Variants in AP1G1 observed in about 807,000 individuals in gnomAD.
AP1G1 encodes the protein adaptor related protein complex 1 subunit gamma 1.
In AP1G1, 7 loss-of-function variants were observed where a neutral mutation model predicts 108.3. That is an observed-to-expected ratio of 0.06 (90% CI 0.04 to 0.12). The LOEUF (loss-of-function observed/expected upper bound fraction) is 0.12. AP1G1 is among the 10% of genes least tolerant of loss of function. The probability of loss-of-function intolerance (pLI) is 1.00; values close to 1 mark genes in which losing one functional copy is unlikely to be tolerated. For synonymous variants in AP1G1, 379 were observed against 353.5 expected, an observed-to-expected ratio of 1.07 and a Z score of -0.81; for missense variants, 756 against 1,010.7, an observed-to-expected ratio of 0.75 and a Z score of 3.42.
intron 12 of AP1G1, among the ~76,000 whole-genome samples, chr16:71,755,640 T>C (rs1363630268): frequency 6.8e-6 from 1 of 148,110 alleles, no homozygotes; most frequent in African/African-American, 2.5e-5. Context: ...AGTTTCCCCA[T>C]TTTTTTTTTT....
chr16:71,775,279 G>A (rs576947716), intron 2 of AP1G1, among the ~76,000 whole-genome samples: 1 of 151,294 alleles, frequency 6.6e-6, no homozygotes, highest in African/African-American at 2.4e-5. Context: ...TGATTCGCCC[G>A]CCTCAGCCTC....
intron 21 of AP1G1, among the ~76,000 whole-genome samples, chr16:71,736,117 A>T (rs866043153): frequency 0.015 from 1,092 of 71,408 alleles, 20 homozygotes; most frequent in African/African-American, 0.03. Flanking sequence ...AAAAAAAAAA[A>T]ATATATATAT....
intron 15 of AP1G1, among the ~76,000 whole-genome samples, chr16:71,749,005 C>G (rs1436956612): frequency 6.6e-6 from 1 of 152,030 alleles, no homozygotes; most frequent in Non-Finnish European, 1.5e-5. Context: ...CTCCCGGGTT[C>G]ACGCCATTCT....
intron 10 of AP1G1, among the ~76,000 whole-genome samples, chr16:71,759,759 CAAAA>C (rs920720482): frequency 1.5e-5 from 2 of 135,610 alleles, no homozygotes; most frequent in Admixed American, 7.3e-5. Flanking sequence ...GACTCTGTCT[CAAAA>C]AAAAAAAAAA....
At chr16:71,793,568 G>A (rs2032478680) in intron 1 of AP1G1, among the ~76,000 whole-genome samples, 1 of 152,182 alleles carries the variant, frequency 6.6e-6, no homozygotes, top group Non-Finnish European at 1.5e-5. Context: ...GCAGAAACAA[G>A]CATTTTTAAA....
chr16:71,775,380 T>A (rs1424290553), intron 2 of AP1G1, among the ~76,000 whole-genome samples: 1 of 152,118 alleles, frequency 6.6e-6, no homozygotes. Flanking sequence ...CCTTTGGATA[T>A]CTTAATAGAA....
chr16:71,801,253 C>T (rs576651196), intron 1 of AP1G1, among the ~76,000 whole-genome samples: 18 of 151,526 alleles, frequency 1.2e-4, no homozygotes, highest in African/African-American at 3.6e-4. Flanking sequence ...TTCCCACCAC[C>T]TGGGTGACAG....
chr16:71,736,205 C>T (rs2045538274), intron 21 of AP1G1, among the ~76,000 whole-genome samples: 1 of 140,518 alleles, frequency 7.1e-6, no homozygotes, highest in East Asian at 2.2e-4. Context: ...TTATTCATTA[C>T]TACCATATTT....
chr16:71,748,295 G>A lies in AP1G1; in HGVS notation c.1581C>T (p.Leu527=), dbSNP rs536680643. 6.8e-6 allele frequency: 11 copies of A among 1,614,028 alleles called. No homozygotes were observed. The East Asian group carries it at 2.5e-4, about 36-fold the overall frequency. The change falls in exon 16 of 23, where the codon CTC becomes CTT. Residue 527 remains leucine, a synonymous_variant. Coordinates refer to ENST00000299980, the MANE Select transcript of AP1G1 (RefSeq NM_001128.6). ...GAGTGGAAAGCTTCATAATGGCAGTGAGGGCATAACCTCGTGTCACAGAGG... is the reference window on the plus strand; with the variant it reads ...GAGTGGAAAGCTTCATAATGGCAGTAAGGGCATAACCTCGTGTCACAGAGG... ...MSTSVTRGYA[L]TAIMKLSTRF...
chr16:71,799,629 G>A (rs770726031), intron 1 of AP1G1, among the ~76,000 whole-genome samples: 25 of 151,812 alleles, frequency 1.6e-4, no homozygotes, highest in East Asian at 5.8e-4. Flanking sequence ...GGCTGGGAGC[G>A]GTGGCTCACA....
chr16:71,790,897 T>G (rs2032374118), intron 1 of AP1G1, among the ~76,000 whole-genome samples: 1 of 152,064 alleles, frequency 6.6e-6, no homozygotes, highest in Non-Finnish European at 1.5e-5. Context: ...AGTTTAAAAT[T>G]TTTGCTCTCC....
chr16:71,743,969 G>A (rs2030012767), intron 19 of AP1G1, among the ~76,000 whole-genome samples: 1 of 150,072 alleles, frequency 6.7e-6, no homozygotes, highest in South Asian at 2.1e-4. Context: ...AAAAGGCCAG[G>A]CGAAGTGGCT....
chr16:71,733,856 T>A, intron 22 of AP1G1, among the ~76,000 whole-genome samples: 1 of 152,330 alleles, frequency 6.6e-6, no homozygotes, highest in African/African-American at 2.4e-5. Context: ...AAAAAATGAC[T>A]TAACTCACAG....
At chr16:71,768,201 A>G (rs1315906363) in intron 6 of AP1G1, among the ~76,000 whole-genome samples, 5 of 150,378 alleles carry the variant, frequency 3.3e-5, no homozygotes, top group African/African-American at 1.2e-4. Context: ...TTAAAAAAAA[A>G]AAAAAAAAAA....
intron 21 of AP1G1, among the ~76,000 whole-genome samples, chr16:71,737,606 A>G (rs1186941447): frequency 1.3e-5 from 2 of 152,208 alleles, no homozygotes; most frequent in African/African-American, 4.8e-5. Context: ...AAACATCTAA[A>G]TTATTCTGGC....
chr16:71,739,357 T>G lies in AP1G1; in HGVS notation c.2000-16A>C. On this transcript the variant is annotated splice_polypyrimidine_tract_variant and intron_variant, in intron 19 of 22. Coordinates refer to ENST00000299980, the MANE Select transcript of AP1G1 (RefSeq NM_001128.6). ...GCTGGAGCACCTAAAGGAAATATTT[T>G]AATGGAAAGTTAACCTTAGGCAGCA... The G allele has an allele frequency of 6.4e-7, 1 of 1,561,230 alleles. No individual in the cohort carries two copies. Among genetic ancestry groups the G allele is most frequent in the Non-Finnish European group, 8.6e-7 (1 of 1,158,408 alleles).
intron 6 of AP1G1, among the ~76,000 whole-genome samples, chr16:71,765,847 A>G (rs1310074782): frequency 1.3e-5 from 2 of 152,214 alleles, no homozygotes; most frequent in African/African-American, 2.4e-5. Context: ...TACAAATAAT[A>G]TTGGGTCAGA....
intron 10 of AP1G1, among the ~76,000 whole-genome samples, chr16:71,760,737 T>C (rs935362224): frequency 6.6e-6 from 1 of 151,494 alleles, no homozygotes; most frequent in South Asian, 2.1e-4. Context: ...TCTGTAGAGA[T>C]GGAGTTTTGC....
At position 71,773,373 on chromosome 16, in the gene AP1G1, A is replaced by G; in HGVS notation, c.327-11T>C. Reference sequence around the variant, plus strand: ...CTATGATTAAGATCACTGCAAAAGAAAAGAGGAAGGTAGGAACAAGCCTGG... The same window carrying G: ...CTATGATTAAGATCACTGCAAAAGAGAAGAGGAAGGTAGGAACAAGCCTGG... On this transcript the variant is annotated splice_polypyrimidine_tract_variant and intron_variant, in intron 3 of 22. Transcript: ENST00000299980. 6.7e-7 allele frequency: 1 copy of G among 1,489,626 alleles called. No individual in the cohort carries two copies. Among genetic ancestry groups the G allele is most frequent in the East Asian group, 2.4e-5 (1 of 41,404 alleles). 92.3% of individuals were successfully genotyped at this position (1,489,626 alleles called of 1,614,324 possible).
Sources: gnomAD v4.1 joint callset for allele counts (sites outside exome capture counted in the v4.1 genomes callset) on GRCh38, gnomAD v4.1.1 for gene constraint, MANE v1.5 for transcripts, NCBI Gene and HGNC (gene_info 2026-07-23, HGNC 2026-07-21) for gene names.